The following STT3B variants were observed in gnomAD, a reference collection of about 807,000 sequenced individuals.
The protein encoded by STT3B is STT3 oligosaccharyltransferase complex catalytic subunit B, also known as dolichyl-diphosphooligosaccharide--protein glycosyltransferase subunit STT3B.
In STT3B, 29 loss-of-function variants were observed where a neutral mutation model predicts 96.8. The observed-to-expected ratio is 0.30, with a 90% CI of 0.22 to 0.41. The LOEUF (loss-of-function observed/expected upper bound fraction) is 0.41. Among genes scored for constraint, STT3B ranks in the 10% least tolerant of loss-of-function variants. The pLI is 1.00. For synonymous variants in STT3B, 367 were observed against 360.0 expected, an observed-to-expected ratio of 1.02 and a Z score of -0.22; for missense variants, 640 against 1,022.3, an observed-to-expected ratio of 0.63 and a Z score of 5.10.
intron 3 of STT3B, among the ~76,000 whole-genome samples, chr3:31,584,424 A>G (rs1418567472): frequency 2.0e-5 from 3 of 152,122 alleles, no homozygotes; most frequent in Admixed American, 6.5e-5. Context: ...TTGCATTTTC[A>G]TAAGTTTTAA....
At chr3:31,557,671 T>C (rs1163255242) in intron 1 of STT3B, among the ~76,000 whole-genome samples, 1 of 152,132 alleles carries the variant, frequency 6.6e-6, no homozygotes, top group Non-Finnish European at 1.5e-5. Flanking sequence ...CTTGCTCTGT[T>C]GCCCAGGCTG....
chr3:31,635,531 G>A (rs1699739914), intron 15 of STT3B, among the ~76,000 whole-genome samples: 1 of 152,120 alleles, frequency 6.6e-6, no homozygotes, highest in Non-Finnish European at 1.5e-5. Flanking sequence ...TTTGTAGATG[G>A]TTACAGTCAT....
At chr3:31,604,211 C>T (rs892494315) in intron 5 of STT3B, among the ~76,000 whole-genome samples, 1 of 151,920 alleles carries the variant, frequency 6.6e-6, no homozygotes, top group African/African-American at 2.4e-5. Flanking sequence ...TTGCTGGGAA[C>T]CGTCATTAAA....
intron 1 of STT3B, among the ~76,000 whole-genome samples, chr3:31,559,975 G>A (rs543557031): frequency 6.6e-6 from 1 of 152,086 alleles, no homozygotes; most frequent in African/African-American, 2.4e-5. Context: ...TTGACTTAAA[G>A]CCTGCTTTAT....
intron 1 of STT3B, among the ~76,000 whole-genome samples, chr3:31,573,281 CAG>C (rs1248794213): frequency 2.6e-5 from 4 of 152,062 alleles, no homozygotes; most frequent in African/African-American, 7.2e-5. Flanking sequence ...TTGAATAATT[CAG>C]AGAGTTGCAA....
chr3:31,567,581 C>T (rs763010536), intron 1 of STT3B, among the ~76,000 whole-genome samples: 7 of 152,074 alleles, frequency 4.6e-5, no homozygotes, highest in Admixed American at 3.3e-4. Flanking sequence ...CTTTCTGATA[C>T]GGTGTCACTT....
At chr3:31,544,058 G>A (rs1208297378) in intron 1 of STT3B, among the ~76,000 whole-genome samples, 1 of 152,198 alleles carries the variant, frequency 6.6e-6, no homozygotes, top group Non-Finnish European at 1.5e-5. Flanking sequence ...CGAAGGAATA[G>A]TAAGAATTGA....
chr3:31,537,902 C>T (rs1697142221), intron 1 of STT3B, among the ~76,000 whole-genome samples: 1 of 152,056 alleles, frequency 6.6e-6, no homozygotes, highest in African/African-American at 2.4e-5. Flanking sequence ...CACACGTGCT[C>T]TCCGAAATGA....
intron 15 of STT3B, among the ~76,000 whole-genome samples, chr3:31,634,115 TCTAGA>T (rs1699715982): frequency 6.6e-6 from 1 of 152,212 alleles, no homozygotes; most frequent in African/African-American, 2.4e-5. Flanking sequence ...AATTACCATG[TCTAGA>T]CTAATGTATT....
chr3:31,630,315 A>C (rs1699627338), intron 14 of STT3B, among the ~76,000 whole-genome samples: 1 of 152,182 alleles, frequency 6.6e-6, no homozygotes, highest in African/African-American at 2.4e-5. Flanking sequence ...TCTGCAAACA[A>C]AATTTACTCC....
At chr3:31,601,065 A>G (rs574263361) in intron 5 of STT3B, among the ~76,000 whole-genome samples, 106 of 152,308 alleles carry the variant, frequency 7.0e-4, no homozygotes, top group African/African-American at 2.3e-3. Flanking sequence ...CAATTCTATT[A>G]TAATAATGTT....
intron 4 of STT3B, among the ~76,000 whole-genome samples, chr3:31,597,822 T>C (rs1698825426): frequency 6.8e-6 from 1 of 146,522 alleles, no homozygotes; most frequent in East Asian, 2.0e-4. Flanking sequence ...TTATTCATTT[T>C]ATTTCATTAT....
chr3:31,538,013 G>T lies in STT3B; in HGVS notation c.314+4701G>T, dbSNP rs568669333. Among the ~76,000 whole-genome samples the T allele has an allele frequency of 2.0e-5, 3 of 152,148 alleles. No homozygotes were observed. The South Asian group carries it at 6.2e-4, about 32-fold the overall frequency. The stretch of plus-strand genomic sequence containing the variant: ...AATGATCTTAGGGAGTGAAAATACT[G>T]CAGTTAACTTGAATTATAAAGACCC... On this transcript the variant is annotated intron_variant, in intron 1 of 15. Transcript: ENST00000295770.
At chr3:31,548,767 C>T (rs1160845737) in intron 1 of STT3B, among the ~76,000 whole-genome samples, 1 of 152,088 alleles carries the variant, frequency 6.6e-6, no homozygotes, top group African/African-American at 2.4e-5. Context: ...TTTGGTTTCC[C>T]TGTAATATGG....
chr3:31,567,021 C>G (rs531267445), intron 1 of STT3B, among the ~76,000 whole-genome samples: 2 of 152,294 alleles, frequency 1.3e-5, no homozygotes, highest in East Asian at 1.9e-4. Flanking sequence ...TCTTGTCATG[C>G]AAGACTTCCT....
At chr3:31,546,370 T>C (rs2125437745) in intron 1 of STT3B, among the ~76,000 whole-genome samples, 1 of 152,288 alleles carries the variant, frequency 6.6e-6, no homozygotes, top group Non-Finnish European at 1.5e-5. Flanking sequence ...CTGAGAGTCA[T>C]CTGGAATCTT....
At chr3:31,535,775 T>G (rs1000375176) in intron 1 of STT3B, among the ~76,000 whole-genome samples, 1 of 152,356 alleles carries the variant, frequency 6.6e-6, no homozygotes, top group South Asian at 2.1e-4. Flanking sequence ...AAAACGCATT[T>G]CTGACACATT....
intron 13 of STT3B, among the ~76,000 whole-genome samples, chr3:31,627,896 A>G (rs1347603095): frequency 3.9e-5 from 6 of 152,076 alleles, no homozygotes; most frequent in Admixed American, 3.9e-4. Flanking sequence ...GTGAATAGAT[A>G]ATACACTCAT....
intron 1 of STT3B, among the ~76,000 whole-genome samples, chr3:31,541,867 C>T (rs1472747017): frequency 1.3e-5 from 2 of 152,254 alleles, no homozygotes; most frequent in African/African-American, 4.8e-5. Context: ...TGAGCCACCA[C>T]GCCCGGCATT....
Sources: allele counts gnomAD v4.1 joint callset (sites outside exome capture counted in the v4.1 genomes callset), GRCh38; gene constraint gnomAD v4.1.1; transcripts MANE v1.5; gene names NCBI Gene and HGNC (gene_info 2026-07-23, HGNC 2026-07-21).